ATP2C2: variants seen among roughly 807,000 people sequenced by gnomAD.
ATP2C2 encodes calcium-transporting ATPase type 2C member 2.
In ATP2C2, 171 loss-of-function variants were observed where a neutral mutation model predicts 110.8. The observed-to-expected ratio is 1.54, with a 90% CI of 1.36 to 1.75. The LOEUF (loss-of-function observed/expected upper bound fraction) is 1.75. ATP2C2 is among the 40% of genes most tolerant of loss of function. The pLI is 0.00. For synonymous variants in ATP2C2, 804 were observed against 508.4 expected, an observed-to-expected ratio of 1.58 and a Z score of -7.82; for missense variants, 1,963 against 1,235.0, an observed-to-expected ratio of 1.59 and a Z score of -8.84.
At chr16:84,441,347 A>G (rs1325845855) in intron 14 of ATP2C2, among the ~76,000 whole-genome samples, 1 of 152,194 alleles carries the variant, frequency 6.6e-6, no homozygotes, top group African/African-American at 2.4e-5. Context: ...GAAGGCTCTA[A>G]GGAGACTCCT....
At chr16:84,437,344 C>T (rs1908834210) in intron 11 of ATP2C2, among the ~76,000 whole-genome samples, 1 of 151,946 alleles carries the variant, frequency 6.6e-6, no homozygotes, top group Non-Finnish European at 1.5e-5. Flanking sequence ...TAGGTGCACA[C>T]TGCCACACCC....
At chr16:84,379,837 A>G (rs962166262) in intron 1 of ATP2C2, among the ~76,000 whole-genome samples, 1 of 152,178 alleles carries the variant, frequency 6.6e-6, no homozygotes, top group Non-Finnish European at 1.5e-5. Context: ...TCCAGTGAGT[A>G]TATAATTACA....
chr16:84,368,609 G>A lies in ATP2C2; in HGVS notation c.-7G>A, dbSNP rs1415553860. 1.3e-6 allele frequency: 2 copies of A among 1,549,718 alleles called. No homozygotes were observed. Among genetic ancestry groups the A allele is most frequent in the Non-Finnish European group, 1.7e-6 (2 of 1,147,808 alleles). ...AGGGACGCAGGCAACGCCTGCGCCCGCTCACCATGGTCGAGGGACGCGTCT... is the reference window on the plus strand; with the variant it reads ...AGGGACGCAGGCAACGCCTGCGCCCACTCACCATGGTCGAGGGACGCGTCT... On this transcript the variant is annotated 5_prime_UTR_variant, in exon 1 of 27. Coordinates refer to ENST00000262429, the MANE Select transcript of ATP2C2 (RefSeq NM_014861.4).
At chr16:84,389,135 C>T (rs1567689251) in intron 1 of ATP2C2, among the ~76,000 whole-genome samples, 1 of 152,206 alleles carries the variant, frequency 6.6e-6, no homozygotes, top group Admixed American at 6.5e-5. Flanking sequence ...TTCTCTTTCT[C>T]TGAAACCCCC....
intron 2 of ATP2C2, among the ~76,000 whole-genome samples, chr16:84,402,618 A>G (rs1213424322): frequency 2.0e-5 from 3 of 152,184 alleles, no homozygotes; most frequent in Admixed American, 6.5e-5. Flanking sequence ...ATGGTGAACC[A>G]TCCTTGCACC....
chr16:84,421,632 A>T (rs1907348100), intron 7 of ATP2C2, among the ~76,000 whole-genome samples: 1 of 152,026 alleles, frequency 6.6e-6, no homozygotes, highest in Non-Finnish European at 1.5e-5. Flanking sequence ...CGGGAGTGAG[A>T]TGTGTTAAGT....
At position 84,368,607 on chromosome 16, in the gene ATP2C2, C is replaced by A. The variant is rs569366195; in HGVS notation, c.-9C>A. ...CTAGGGACGCAGGCAACGCCTGCGC[C>A]CGCTCACCATGGTCGAGGGACGCGT... On this transcript the variant is annotated 5_prime_UTR_variant, in exon 1 of 27. Coordinates refer to ENST00000262429, the MANE Select transcript of ATP2C2 (RefSeq NM_014861.4). 3.3e-5 allele frequency: 51 copies of A among 1,549,382 alleles called. No homozygotes were observed. The highest frequency in any genetic ancestry group is 3.5e-4 in the Middle Eastern group (2 of 5,788).
At chr16:84,376,535 AT>A (rs5741976) in intron 1 of ATP2C2, among the ~76,000 whole-genome samples, 21,643 of 144,870 alleles carry the variant, frequency 0.15, 1,871 homozygotes, top group South Asian at 0.24. Flanking sequence ...TTTTTTGGCA[AT>A]TTTTTTTTTT....
intron 1 of ATP2C2, among the ~76,000 whole-genome samples, chr16:84,381,836 CT>C (rs1322060374): frequency 6.6e-6 from 1 of 152,058 alleles, no homozygotes; most frequent in East Asian, 1.9e-4. Context: ...GTTTTGAATC[CT>C]TACAAAAATC....
chr16:84,436,847 C>G (rs1237432129), intron 11 of ATP2C2, among the ~76,000 whole-genome samples: 2 of 151,814 alleles, frequency 1.3e-5, no homozygotes, highest in African/African-American at 4.8e-5. Flanking sequence ...ACCACAACCT[C>G]CACCTCCCAG....
intron 3 of ATP2C2, among the ~76,000 whole-genome samples, chr16:84,405,729 G>A (rs941620913): frequency 2.6e-5 from 4 of 152,120 alleles, no homozygotes; most frequent in African/African-American, 4.8e-5. Flanking sequence ...AGACCAGCCC[G>A]GCCAACATGG....
chr16:84,374,673 G>T (rs1373516824), intron 1 of ATP2C2, among the ~76,000 whole-genome samples: 1 of 152,104 alleles, frequency 6.6e-6, no homozygotes, highest in Admixed American at 6.5e-5. Context: ...GGGAGCTGAT[G>T]GGGGGTCCTT....
chr16:84,439,123 C>T (rs1296284258), intron 11 of ATP2C2, 43 bp from the exon 12 acceptor site: 2 of 1,610,108 alleles, frequency 1.2e-6, no homozygotes, highest in South Asian at 1.1e-5. Flanking sequence ...GTCACACACT[C>T]CTTAAATGTG....
At chr16:84,371,019 G>A (rs1042308225) in intron 1 of ATP2C2, among the ~76,000 whole-genome samples, 9 of 152,198 alleles carry the variant, frequency 5.9e-5, no homozygotes, top group African/African-American at 1.7e-4. Flanking sequence ...GGATACAGAT[G>A]TGTACAAAAC....
chr16:84,416,216 C>T (rs951409598), intron 7 of ATP2C2, among the ~76,000 whole-genome samples: 1 of 152,152 alleles, frequency 6.6e-6, no homozygotes, highest in African/African-American at 2.4e-5. Flanking sequence ...GTGGGGCAAG[C>T]TTCGTGGGTC....
chr16:84,415,092 T>A (rs1906714220), intron 6 of ATP2C2, among the ~76,000 whole-genome samples: 1 of 152,100 alleles, frequency 6.6e-6, no homozygotes, highest in African/African-American at 2.4e-5. Flanking sequence ...GTGATAAGGC[T>A]CTGCCATCCC....
intron 1 of ATP2C2, among the ~76,000 whole-genome samples, chr16:84,396,871 C>A (rs996062472): frequency 2.0e-5 from 3 of 151,848 alleles, no homozygotes; most frequent in African/African-American, 7.3e-5. Context: ...GGGCACTGGG[C>A]ATGAGTGAGA....
chr16:84,391,253 C>A (rs551515144), intron 1 of ATP2C2, among the ~76,000 whole-genome samples: 2 of 152,102 alleles, frequency 1.3e-5, no homozygotes, highest in South Asian at 2.1e-4. Context: ...GGAACACTTG[C>A]GATTCACAGT....
intron 1 of ATP2C2, among the ~76,000 whole-genome samples, chr16:84,373,743 G>A (rs1022705383): frequency 2.6e-5 from 4 of 151,994 alleles, no homozygotes; most frequent in African/African-American, 7.3e-5. Flanking sequence ...CGTCATTCAC[G>A]TTAAAAAAAA....
Sources: allele counts gnomAD v4.1 joint callset (sites outside exome capture counted in the v4.1 genomes callset), GRCh38; gene constraint gnomAD v4.1.1; transcripts MANE v1.5; gene names NCBI Gene and HGNC (gene_info 2026-07-23, HGNC 2026-07-21).